The following GRIK2 variants were observed in gnomAD, a reference collection of about 807,000 sequenced individuals.
GRIK2 encodes the protein glutamate receptor ionotropic, kainate 2.
GRIK2 carries 32 observed loss-of-function variants against 100.3 expected under a neutral mutation model. The ratio of observed to expected loss-of-function variants is 0.32; its 90% confidence interval spans 0.24 to 0.43. The LOEUF (loss-of-function observed/expected upper bound fraction) is 0.43. Among genes scored for constraint, GRIK2 ranks in the 20% least tolerant of loss-of-function variants. GRIK2 has a pLI of 1.00. For synonymous variants in GRIK2, 417 were observed against 389.4 expected, an observed-to-expected ratio of 1.07 and a Z score of -0.83; for missense variants, 843 against 1,114.9, an observed-to-expected ratio of 0.76 and a Z score of 3.47.
chr6:101,716,752 TAAAAC>T (rs993269105), intron 7 of GRIK2, among the ~76,000 whole-genome samples: 15 of 151,634 alleles, frequency 9.9e-5, no homozygotes, highest in South Asian at 2.1e-4. Context: ...AGAATAATAA[TAAAAC>T]AAAGCAAAAC....
intron 4 of GRIK2, among the ~76,000 whole-genome samples, chr6:101,669,392 T>C (rs1464977150): frequency 6.6e-6 from 1 of 152,196 alleles, no homozygotes; most frequent in Non-Finnish European, 1.5e-5. Flanking sequence ...CATTGATTTC[T>C]TCATTTTGAC....
At chr6:101,898,227 T>G (rs981520394) in intron 12 of GRIK2, among the ~76,000 whole-genome samples, 10 of 151,864 alleles carry the variant, frequency 6.6e-5, no homozygotes, top group Non-Finnish European at 1.3e-4. Context: ...TTGTAACACT[T>G]TTTAATTTTA....
At chr6:101,758,362 G>C (rs1485703438) in intron 7 of GRIK2, among the ~76,000 whole-genome samples, 10 of 152,176 alleles carry the variant, frequency 6.6e-5, no homozygotes, top group African/African-American at 2.4e-4. Context: ...AAGCCAGAAT[G>C]CATGATGTGG....
intron 2 of GRIK2, among the ~76,000 whole-genome samples, chr6:101,564,271 G>A (rs1777152228): frequency 6.6e-6 from 1 of 152,296 alleles, no homozygotes; most frequent in East Asian, 1.9e-4. Flanking sequence ...ATTCTCTTGT[G>A]CACAGCTGTG....
At chr6:101,937,777 T>TG (rs1175127623) in intron 14 of GRIK2, among the ~76,000 whole-genome samples, 2 of 150,266 alleles carry the variant, frequency 1.3e-5, no homozygotes, top group Non-Finnish European at 3.0e-5. Context: ...GTTTTGGGGG[T>TG]GGGGGGTGTT....
intron 2 of GRIK2, 69 bp downstream of exon 2, chr6:101,399,461 C>T (rs1419522945): frequency 4.9e-6 from 4 of 810,912 alleles, no homozygotes; most frequent in South Asian, 1.4e-5. Flanking sequence ...ACAGGCGGTT[C>T]GCTCTGCCTG....
chr6:101,629,700 G>A (rs1196662737), intron 4 of GRIK2, among the ~76,000 whole-genome samples: 3 of 151,996 alleles, frequency 2.0e-5, no homozygotes, highest in Non-Finnish European at 4.4e-5. Flanking sequence ...ATGTGTCAAA[G>A]TCTCAAGGTA....
chr6:101,583,809 C>T (rs941228654), intron 2 of GRIK2, among the ~76,000 whole-genome samples: 8 of 151,902 alleles, frequency 5.3e-5, no homozygotes, highest in African/African-American at 1.9e-4. Context: ...TATGTCTTGT[C>T]CATGAAAGAT....
At chr6:102,024,069 A>G (rs778981171) in intron 14 of GRIK2, among the ~76,000 whole-genome samples, 9 of 150,908 alleles carry the variant, frequency 6.0e-5, no homozygotes, top group African/African-American at 9.7e-5. Context: ...TTGAAAGTAA[A>G]GTAAATTCAG....
At chr6:101,808,941 T>G (rs1423191497) in intron 9 of GRIK2, among the ~76,000 whole-genome samples, 1 of 151,548 alleles carries the variant, frequency 6.6e-6, no homozygotes, top group African/African-American at 2.4e-5. Flanking sequence ...CAGAAAGACA[T>G]TTTATGAAAT....
intron 2 of GRIK2, among the ~76,000 whole-genome samples, chr6:101,409,511 A>T (rs984309160): frequency 3.3e-5 from 5 of 152,146 alleles, no homozygotes; most frequent in African/African-American, 1.2e-4. Context: ...AGTTAAGACA[A>T]CTTTAGTAGA....
chr6:101,625,661 A>T (rs1780396287), intron 3 of GRIK2, among the ~76,000 whole-genome samples: 3 of 152,156 alleles, frequency 2.0e-5, no homozygotes. Context: ...TAGTTTGTTC[A>T]TGCCTTTCTT....
chr6:101,503,723 G>A (rs1001482566), intron 2 of GRIK2, among the ~76,000 whole-genome samples: 18 of 152,020 alleles, frequency 1.2e-4, no homozygotes, highest in Non-Finnish European at 2.2e-4. Flanking sequence ...TCTATGGCTT[G>A]AACAAAATTC....
At chr6:101,737,465 G>A (rs1196263584) in intron 7 of GRIK2, among the ~76,000 whole-genome samples, 2 of 152,110 alleles carry the variant, frequency 1.3e-5, no homozygotes, top group African/African-American at 4.8e-5. Flanking sequence ...ATGGTGGCAG[G>A]CAAAAAGAGA....
chr6:102,063,459 T>C (rs898404976), intron 16 of GRIK2, among the ~76,000 whole-genome samples: 2 of 150,764 alleles, frequency 1.3e-5, no homozygotes, highest in African/African-American at 4.8e-5. Flanking sequence ...TTTCTTCAGA[T>C]ACTGTTTTTC....
intron 14 of GRIK2, among the ~76,000 whole-genome samples, chr6:101,982,187 T>A (rs1039525851): frequency 6.6e-6 from 1 of 151,896 alleles, no homozygotes; most frequent in Non-Finnish European, 1.5e-5. Flanking sequence ...GTGGTCTTTT[T>A]AATCCTTAAC....
chr6:101,964,063 G>GAA (rs5878705), intron 14 of GRIK2, among the ~76,000 whole-genome samples: 48,801 of 150,362 alleles, frequency 0.32, 9,819 homozygotes, highest in South Asian at 0.47. Flanking sequence ...TGTGTTTCTT[G>GAA]AAAAAAAATA....
intron 14 of GRIK2, among the ~76,000 whole-genome samples, chr6:101,930,131 C>T (rs1790164871): frequency 1.3e-5 from 2 of 151,980 alleles, no homozygotes; most frequent in Admixed American, 6.6e-5. Context: ...CACTTGATCC[C>T]AGGAGGTTGA....
intron 9 of GRIK2, among the ~76,000 whole-genome samples, chr6:101,813,239 A>C (rs1265049439): frequency 6.6e-6 from 1 of 152,140 alleles, no homozygotes; most frequent in Non-Finnish European, 1.5e-5. Context: ...AAAAATATTC[A>C]CCAATAGCAA....
Sources: allele counts gnomAD v4.1 joint callset (sites outside exome capture counted in the v4.1 genomes callset), GRCh38; gene constraint gnomAD v4.1.1; transcripts MANE v1.5; gene names NCBI Gene and HGNC (gene_info 2026-07-23, HGNC 2026-07-21).